EPB41L3: variants seen among roughly 807,000 people sequenced by gnomAD.
EPB41L3 encodes the protein erythrocyte membrane protein band 4.1 like 3.
Under a neutral mutation model 127.1 loss-of-function variants are expected in EPB41L3, and 57 were observed. The observed-to-expected ratio is 0.45, with a 90% CI of 0.36 to 0.56. EPB41L3 has a LOEUF of 0.56. EPB41L3 is among the 20% of genes least tolerant of loss of function. The probability of loss-of-function intolerance (pLI) is 0.00; values close to 1 mark genes in which losing one functional copy is unlikely to be tolerated. For missense variants in EPB41L3, 1,273 were observed against 1,372.2 expected (o/e 0.93, Z 1.14); for synonymous variants, 572 against 549.5 (o/e 1.04, Z -0.57).
intron 3 of EPB41L3, among the ~76,000 whole-genome samples, chr18:5,445,981 G>A (rs1381466882): frequency 6.6e-6 from 1 of 152,140 alleles, no homozygotes; most frequent in Non-Finnish European, 1.5e-5. Flanking sequence ...GGTCCCTGGT[G>A]CCAAAAAGGT....
intron 1 of EPB41L3, among the ~76,000 whole-genome samples, chr18:5,541,886 T>A (rs1325155100): frequency 9.9e-5 from 15 of 152,218 alleles, no homozygotes; most frequent in Non-Finnish European, 5.9e-5. Context: ...ACAAAACATG[T>A]TCTGTTTTGA....
At chr18:5,446,280 A>T (rs2081466125) in intron 3 of EPB41L3, among the ~76,000 whole-genome samples, 1 of 152,220 alleles carries the variant, frequency 6.6e-6, no homozygotes, top group Non-Finnish European at 1.5e-5. Flanking sequence ...ATATAAATAC[A>T]AAATAGGGAT....
At chr18:5,416,479 T>C (rs1406964214) in intron 12 of EPB41L3, 101 bp from the exon 13 acceptor site, 1 of 1,292,596 alleles carries the variant, frequency 7.7e-7, no homozygotes, top group East Asian at 2.5e-5. Flanking sequence ...GGTATCAATA[T>C]AAAATTGTAA....
intron 3 of EPB41L3, among the ~76,000 whole-genome samples, chr18:5,571,201 C>T (rs774566446): frequency 5.9e-5 from 9 of 152,158 alleles, no homozygotes; most frequent in Non-Finnish European, 1.2e-4. Context: ...AATATTGGCT[C>T]TAAATAATAT....
chr18:5,397,228 C>T lies in EPB41L3; in HGVS notation c.2671G>A (p.Gly891Arg). 6.2e-7 allele frequency: 1 copy of T among 1,614,190 alleles called. No individual in the cohort carries two copies. Among genetic ancestry groups the T allele is most frequent in the Non-Finnish European group, 8.5e-7 (1 of 1,180,042 alleles). The change falls in exon 18 of 23, where the codon GGG becomes AGG. Residue 891 changes from glycine to arginine, a missense_variant. Physicochemically the swap from Gly to Arg is moderately radical, Grantham distance 125. This residue lies in a region of EPB41L3 where 765 missense variants were observed against 782.9 expected (regional missense o/e 0.98). Transcript: ENST00000341928. The surrounding 1 kb of genome is among the most constrained non-coding windows in gnomAD (Gnocchi z 4.1). ...AAQPAFTGIK[G>R]KEGSALTEGA... The stretch of plus-strand genomic sequence containing the variant: ...TCCGTCAAGGCAGAGCCCTCTTTCC[C>T]TTTAATGCCTGTGAATGCGGGCTGT...
chr18:5,466,782 CT>C (rs35265017), intron 3 of EPB41L3, among the ~76,000 whole-genome samples: 46,727 of 152,016 alleles, frequency 0.31, 7,767 homozygotes, highest in East Asian at 0.47. Flanking sequence ...CATGTAGAAA[CT>C]TTTCCTAGGA....
At chr18:5,566,949 G>A (rs537140692) in intron 3 of EPB41L3, among the ~76,000 whole-genome samples, 3 of 152,066 alleles carry the variant, frequency 2.0e-5, no homozygotes, top group African/African-American at 7.2e-5. Flanking sequence ...GGGATTACAG[G>A]CACACACTAC....
At chr18:5,493,462 T>A (rs1031573825) in intron 1 of EPB41L3, among the ~76,000 whole-genome samples, 1 of 152,166 alleles carries the variant, frequency 6.6e-6, no homozygotes, top group African/African-American at 2.4e-5. Flanking sequence ...TTAACATAAG[T>A]ATTTGTGACT....
intron 3 of EPB41L3, among the ~76,000 whole-genome samples, chr18:5,588,851 T>C (rs565907018): frequency 2.6e-5 from 4 of 152,226 alleles, no homozygotes; most frequent in African/African-American, 9.6e-5. Context: ...GAGACTTGCA[T>C]TAATAAATAT....
At chr18:5,491,202 G>A (rs1034525831) in intron 1 of EPB41L3, among the ~76,000 whole-genome samples, 2 of 152,196 alleles carry the variant, frequency 1.3e-5, no homozygotes, top group African/African-American at 4.8e-5. Context: ...CTGGCTGGAT[G>A]TGCAGGTCTT....
At chr18:5,396,569 G>A (rs577389383) in intron 18 of EPB41L3, among the ~76,000 whole-genome samples, 7 of 152,200 alleles carry the variant, frequency 4.6e-5, no homozygotes, top group African/African-American at 1.7e-4. Context: ...ATAAAAAAAA[G>A]TTTTCTATTT....
intron 1 of EPB41L3, among the ~76,000 whole-genome samples, chr18:5,502,522 T>C (rs1228842111): frequency 6.6e-6 from 1 of 152,182 alleles, no homozygotes; most frequent in Non-Finnish European, 1.5e-5. Flanking sequence ...TCTGTCTAAG[T>C]GGAAGCTTTA....
chr18:5,441,035 T>C lies in EPB41L3; in HGVS notation c.529+2803A>G, dbSNP rs191311577. Among the ~76,000 whole-genome samples the C allele has an allele frequency of 1.9e-3, 287 of 152,214 alleles. 1 individual carries two copies. The highest frequency in any genetic ancestry group is 6.7e-3 in the African/African-American group (278 of 41,540). ...AGGACTAACTAACTACAGGCATGTG[T>C]CTCTGCGCTCAGCTAATTAAAACAA... On this transcript the variant is annotated intron_variant, in intron 5 of 22. Coordinates refer to ENST00000341928, the MANE Select transcript of EPB41L3 (RefSeq NM_012307.5).
chr18:5,577,213 C>T (rs2094344683), intron 3 of EPB41L3: 2 of 228,828 alleles, frequency 8.7e-6, no homozygotes, highest in Non-Finnish European at 1.8e-5. Flanking sequence ...TCCACATTTC[C>T]CTAGTTGAAT....
chr18:5,508,423 A>G (rs2092336596), intron 1 of EPB41L3: 1 of 152,140 alleles, frequency 6.6e-6, no homozygotes, highest in South Asian at 2.1e-4. Context: ...CCTATTTTCC[A>G]AACACATTTA....
intron 22 of EPB41L3, 42 bp downstream of exon 22, chr18:5,394,635 T>C (rs369448100): frequency 1.2e-5 from 18 of 1,519,908 alleles, no homozygotes; most frequent in Middle Eastern, 2.0e-4. Context: ...CCATGCCTCA[T>C]GCCAGCCTAG....
rs1052327632 is a variant in EPB41L3, at chr18:5,536,528, G to A, written c.-12+7385C>T. Among the ~76,000 whole-genome samples the A allele has an allele frequency of 2.7e-5, 4 of 150,864 alleles. No individual in the cohort carries two copies. In the South Asian group the frequency reaches 6.3e-4, roughly 24 times the overall value. On this transcript the variant is annotated intron_variant, in intron 1 of 22. Coordinates refer to ENST00000341928, the MANE Select transcript of EPB41L3 (RefSeq NM_012307.5). Reference sequence around the variant, plus strand: ...AAAAAAAAAAAAAATTTGGCCTGGTGCGGTGGCTCACACCTGTAATCCCAG... The same window carrying A: ...AAAAAAAAAAAAAATTTGGCCTGGTACGGTGGCTCACACCTGTAATCCCAG...
At chr18:5,601,472 G>C (rs951464526) in intron 3 of EPB41L3, among the ~76,000 whole-genome samples, 1 of 152,192 alleles carries the variant, frequency 6.6e-6, no homozygotes, top group African/African-American at 2.4e-5. Context: ...GCAGGGATCT[G>C]TCAGTTCACT....
intron 2 of EPB41L3, among the ~76,000 whole-genome samples, chr18:5,486,256 G>C (rs1378638736): frequency 2.0e-5 from 3 of 152,010 alleles, no homozygotes; most frequent in African/African-American, 7.2e-5. Flanking sequence ...TTTCAGTAAA[G>C]GGTGTAGGGA....
Sources: gnomAD v4.1 joint callset for allele counts (sites outside exome capture counted in the v4.1 genomes callset) on GRCh38, gnomAD v4.1.1 for gene constraint, gnomAD v4.1.1 regional missense constraint, Gnocchi (gnomAD v3.1) non-coding constraint, MANE v1.5 for transcripts, NCBI Gene and HGNC (gene_info 2026-07-23, HGNC 2026-07-21) for gene names.